Variants in SLCO1A2 observed in about 807,000 individuals in gnomAD.
SLCO1A2 encodes OATP-1.
Under a neutral mutation model 69.0 loss-of-function variants are expected in SLCO1A2, and 67 were observed. The observed-to-expected ratio is 0.97, with a 90% CI of 0.80 to 1.19. The LOEUF is 1.19. Ranked by LOEUF, SLCO1A2 falls within the 50% of genes most tolerant of loss-of-function variation. SLCO1A2 has a pLI of 0.00. For synonymous variants in SLCO1A2, 260 were observed against 265.9 expected (o/e 0.98, Z 0.22); for missense variants, 787 against 793.7 (o/e 0.99, Z 0.10).
At chr12:21,332,400 C>T (rs965558903) in intron 2 of SLCO1A2, among the ~76,000 whole-genome samples, 3 of 151,980 alleles carry the variant, frequency 2.0e-5, no homozygotes, top group Non-Finnish European at 2.9e-5. Context: ...CAGATAAAGC[C>T]TCTAGATACG....
At chr12:21,381,489 T>C (rs1277921434) in intron 1 of SLCO1A2, among the ~76,000 whole-genome samples, 1 of 152,068 alleles carries the variant, frequency 6.6e-6, no homozygotes, top group Non-Finnish European at 1.5e-5. Flanking sequence ...CCTGCAAGAA[T>C]GTCCATTATT....
At chr12:21,283,201 G>C (rs1036756185) in intron 12 of SLCO1A2, among the ~76,000 whole-genome samples, 1 of 151,976 alleles carries the variant, frequency 6.6e-6, no homozygotes, top group Non-Finnish European at 1.5e-5. Flanking sequence ...AAACAGCATG[G>C]TACTGGCATA....
Position 21,318,791 on chromosome 12 carries a change from AG to A in SLCO1A2, c.192del (p.Phe65LeufsTer8), listed in dbSNP as rs1565495807. On this transcript the variant is annotated frameshift_variant, in exon 3 of 15. Coordinates refer to ENST00000683939, the MANE Select transcript of SLCO1A2 (RefSeq NM_001386879.1). LOFTEE classifies it high-confidence loss of function. The stretch of plus-strand genomic sequence containing the variant: ...AAAAATAATTCATTACCAATCTCAA[AG>A]CTTCCATTAATGAATCCAACTAGAG... ...PTSLVGFING[S>X]FEIGNLLLII... is the part of the protein sequence containing the mutation. 3.1e-6 allele frequency: 5 copies of A among 1,596,644 alleles called. No individual in the cohort carries two copies. Among genetic ancestry groups the A allele is most frequent in the Non-Finnish European group, 4.3e-6 (5 of 1,175,278 alleles).
chr12:21,363,443 G>A (rs1939099960), intron 2 of SLCO1A2, among the ~76,000 whole-genome samples: 1 of 152,158 alleles, frequency 6.6e-6, no homozygotes, highest in East Asian at 1.9e-4. Context: ...AGACAAAGCA[G>A]GAGAGATCTT....
chr12:21,278,331 G>C (rs1177368674), intron 12 of SLCO1A2, among the ~76,000 whole-genome samples: 1 of 152,108 alleles, frequency 6.6e-6, no homozygotes, highest in Non-Finnish European at 1.5e-5. Flanking sequence ...CAGCTCTGAA[G>C]GGAAAGACAA....
chr12:21,354,085 A>T (rs919782672), intron 2 of SLCO1A2, among the ~76,000 whole-genome samples: 2 of 152,202 alleles, frequency 1.3e-5, no homozygotes, highest in Admixed American at 1.3e-4. Context: ...GACATTGCAT[A>T]AGAATGTTCT....
chr12:21,312,002 GAGA>G (rs961459929), intron 4 of SLCO1A2, among the ~76,000 whole-genome samples: 12 of 150,352 alleles, frequency 8.0e-5, no homozygotes, highest in East Asian at 1.9e-4. Flanking sequence ...GGAGGAGGAG[GAGA>G]AGAAGAGGAG....
chr12:21,271,628 TATAA>T (rs1047682195), intron 14 of SLCO1A2, among the ~76,000 whole-genome samples: 39 of 149,034 alleles, frequency 2.6e-4, no homozygotes, highest in East Asian at 3.9e-4. Flanking sequence ...GTTTTAAATG[TATAA>T]ATATATACAT....
chr12:21,394,232 G>A (rs187411978), intron 1 of SLCO1A2, among the ~76,000 whole-genome samples: 9 of 152,272 alleles, frequency 5.9e-5, no homozygotes, highest in Admixed American at 3.9e-4. Context: ...TTGCCTTAGT[G>A]GCTCAGCAAC....
At chr12:21,369,469 A>G (rs1939628447) in intron 2 of SLCO1A2, among the ~76,000 whole-genome samples, 1 of 152,224 alleles carries the variant, frequency 6.6e-6, no homozygotes, top group Non-Finnish European at 1.5e-5. Flanking sequence ...TCTGCACTTA[A>G]TAGCTCTTTC....
At chr12:21,320,323 A>C (rs1036881163) in intron 2 of SLCO1A2, among the ~76,000 whole-genome samples, 3 of 152,150 alleles carry the variant, frequency 2.0e-5, no homozygotes, top group Non-Finnish European at 2.9e-5. Context: ...CTTCACCTGC[A>C]AACTTACCTC....
chr12:21,299,556 A>G (rs1948261168), intron 8 of SLCO1A2, among the ~76,000 whole-genome samples: 1 of 149,490 alleles, frequency 6.7e-6, no homozygotes, highest in Non-Finnish European at 1.5e-5. Flanking sequence ...TGGGTCACCG[A>G]TCATGTTTTT....
intron 2 of SLCO1A2, among the ~76,000 whole-genome samples, chr12:21,342,457 A>G (rs1953101281): frequency 6.6e-6 from 1 of 152,048 alleles, no homozygotes; most frequent in African/African-American, 2.4e-5. Flanking sequence ...TAAGTATAAA[A>G]ATTCCAAACA....
chr12:21,391,373 A>G (rs533855715), intron 1 of SLCO1A2, among the ~76,000 whole-genome samples: 1 of 152,294 alleles, frequency 6.6e-6, no homozygotes, highest in East Asian at 1.9e-4. Context: ...ATGATTCATG[A>G]AGTTGTCTGT....
rs1207209965 is a variant in SLCO1A2, at chr12:21,312,384, G to T, written c.335+2165C>A. 3.3e-5 allele frequency among the ~76,000 whole-genome samples: 5 copies of T among 152,198 alleles called. No individual in the cohort carries two copies. In the East Asian group the frequency reaches 9.6e-4, roughly 29 times the overall value. ...CTGGCTCAAGGGAATGTTGTGGCTG[G>T]CTTAATCTTCTGTTCAGACTACTCA... On this transcript the variant is annotated intron_variant, in intron 4 of 14. Coordinates refer to ENST00000683939, the MANE Select transcript of SLCO1A2 (RefSeq NM_001386879.1).
chr12:21,372,149 C>A (rs181819103), intron 2 of SLCO1A2, among the ~76,000 whole-genome samples: 123 of 152,278 alleles, frequency 8.1e-4, no homozygotes, highest in Non-Finnish European at 1.3e-3. Flanking sequence ...TCTCATGGAG[C>A]TAATGGGAAA....
chr12:21,270,630 G>A (rs976916358), intron 14 of SLCO1A2, among the ~76,000 whole-genome samples: 3 of 151,602 alleles, frequency 2.0e-5, no homozygotes, highest in Non-Finnish European at 4.4e-5. Context: ...GGTACCTTGG[G>A]AGATGAGCAC....
chr12:21,378,284 A>G (rs775281880), intron 1 of SLCO1A2: 3 of 1,614,092 alleles, frequency 1.9e-6, no homozygotes, highest in Admixed American at 3.3e-5. Context: ...TGTGCAACGC[A>G]GCGCCTGGCA....
At chr12:21,387,959 A>G (rs1232542325) in intron 1 of SLCO1A2, among the ~76,000 whole-genome samples, 3 of 152,232 alleles carry the variant, frequency 2.0e-5, no homozygotes, top group Non-Finnish European at 4.4e-5. Context: ...TATGTGAGAC[A>G]TGGAGTCAAA....
Sources: allele counts gnomAD v4.1 joint callset (sites outside exome capture counted in the v4.1 genomes callset), GRCh38; gene constraint gnomAD v4.1.1; transcripts MANE v1.5; gene names NCBI Gene and HGNC (gene_info 2026-07-23, HGNC 2026-07-21).